IL18RAP: variants seen among roughly 807,000 people sequenced by gnomAD.
IL18RAP encodes the protein interleukin 18 receptor accessory protein.
A neutral mutation model predicts 58.1 loss-of-function variants in IL18RAP; 37 were observed. The observed-to-expected ratio is 0.64, with a 90% CI of 0.49 to 0.84. The LOEUF (loss-of-function observed/expected upper bound fraction) is 0.84. Among genes scored for constraint, IL18RAP ranks in the 40% least tolerant of loss-of-function variants. The pLI, the probability that IL18RAP is intolerant of heterozygous loss-of-function variation, is 0.00. For synonymous variants in IL18RAP, 268 were observed against 257.5 expected, an observed-to-expected ratio of 1.04 and a Z score of -0.39; for missense variants, 667 against 704.8, an observed-to-expected ratio of 0.95 and a Z score of 0.61.
Position 102,424,535 on chromosome 2 carries a change from C to T in IL18RAP, c.579+121C>T, listed in dbSNP as rs548191915. 76 of 815,700 alleles carry T rather than the reference C, an allele frequency of 9.3e-5. No homozygotes were observed. The African/African-American group carries it at 1.3e-3, about 14-fold the overall frequency. The allele number at this position is 815,700 out of a possible 1,614,324, so 50.5% of individuals were successfully genotyped here. A position where few individuals can be genotyped will look rare whatever the true frequency, so the allele number is the denominator to read the frequency against. ...GTATACAGCTTCTCAAAAACTGGCC[C>T]TGTGCCTCTGCAGGAGATCTGACTT... is the stretch of plus-strand genomic sequence containing the variant. On this transcript the variant is annotated intron_variant, in intron 3 of 9. Coordinates refer to ENST00000687160, the MANE Select transcript of IL18RAP (RefSeq NM_001393487.1).
At chr2:102,441,030 G>A (rs142213808) in intron 4 of IL18RAP, among the ~76,000 whole-genome samples, 1 of 152,296 alleles carries the variant, frequency 6.6e-6, no homozygotes, top group Non-Finnish European at 1.5e-5. Flanking sequence ...AGGAGCTCAG[G>A]TCTGCAAGGG....
upstream of IL18RAP, among the ~76,000 whole-genome samples, chr2:102,420,307 T>G (rs933077222): frequency 6.6e-6 from 1 of 152,226 alleles, no homozygotes; most frequent in African/African-American, 2.4e-5. Flanking sequence ...TTGTTTATAA[T>G]GTAGGTTCCA....
At position 102,452,505 on chromosome 2, in the gene IL18RAP, A is replaced by T; in HGVS notation, c.*324A>T. 3.5e-6 allele frequency: 1 copy of T among 287,062 alleles called. No individual in the cohort carries two copies. Among genetic ancestry groups the T allele is most frequent in the Non-Finnish European group, 6.5e-6 (1 of 154,292 alleles). 17.8% of individuals were successfully genotyped at this position (287,062 alleles called of 1,614,324 possible). A position where few individuals can be genotyped will look rare whatever the true frequency, so the allele number is the denominator to read the frequency against. ...TGGCTAGGGAACTGTCATGTCTACC[A>T]TGTATTGTACATATGACTTTATGTA... On this transcript the variant is annotated 3_prime_UTR_variant, in exon 10 of 10. Transcript: ENST00000687160.
intron 3 of IL18RAP, among the ~76,000 whole-genome samples, chr2:102,428,391 T>C (rs1004655934): frequency 6.6e-6 from 1 of 151,344 alleles, no homozygotes; most frequent in Non-Finnish European, 1.5e-5. Context: ...TTTTTTTTTT[T>C]TATAATTTTC....
At chr2:102,443,372 C>G (rs759530413) in intron 6 of IL18RAP, 49 bp downstream of exon 6, 2 of 1,589,320 alleles carry the variant, frequency 1.3e-6, no homozygotes, top group East Asian at 2.2e-5. Context: ...AGAAGAGATA[C>G]TTCTACCTTT....
At chr2:102,425,664 G>C (rs1390396684) in intron 3 of IL18RAP, among the ~76,000 whole-genome samples, 1 of 151,978 alleles carries the variant, frequency 6.6e-6, no homozygotes, top group Non-Finnish European at 1.5e-5. Context: ...ATCCAGGATG[G>C]CAGCTGTCTT....
At chr2:102,441,173 T>C (rs1276657473) in intron 4 of IL18RAP, 139 bp from the exon 5 acceptor site, 39 of 615,164 alleles carry the variant, frequency 6.3e-5, no homozygotes, top group Non-Finnish European at 1.7e-5. Flanking sequence ...CCGGAATTCC[T>C]AACTTACAGG....
intron 3 of IL18RAP, among the ~76,000 whole-genome samples, chr2:102,431,585 T>C (rs1682363594): frequency 6.6e-6 from 1 of 152,116 alleles, no homozygotes; most frequent in South Asian, 2.1e-4. Context: ...TCCATAAGCC[T>C]TTTCATTCTT....
At chr2:102,435,013 G>A (rs1473503919) in intron 3 of IL18RAP, 2 of 107,958 alleles carry the variant, frequency 1.9e-5, no homozygotes, top group African/African-American at 3.1e-5. Context: ...ATAAATATTA[G>A]TAAAAAAAAA....
At chr2:102,431,425 G>A (rs1365487892) in intron 3 of IL18RAP, among the ~76,000 whole-genome samples, 1 of 152,084 alleles carries the variant, frequency 6.6e-6, no homozygotes, top group African/African-American at 2.4e-5. Flanking sequence ...AATTTGATTG[G>A]CAACTTCTGA....
chr2:102,443,226 G>T lies in IL18RAP; in HGVS notation c.823G>T (p.Ala275Ser). ...AAAGCCTTTAACTATTAGCTGCAAA[G>T]CACGATTTGGCTTTGAAAGGGTCTT... ...LGKPLTISCKARFGFERVFNP... is the reference protein window; with the variant it reads ...LGKPLTISCKSRFGFERVFNP... Residue 275 changes from alanine (A) to serine (S), a missense_variant, in exon 6 of 10, where the codon GCA becomes TCA. Transcript: ENST00000687160. 1 of 1,613,318 alleles carries T rather than the reference G, an allele frequency of 6.2e-7. No homozygotes were observed. The highest frequency in any genetic ancestry group is 8.5e-7 in the Non-Finnish European group (1 of 1,179,760).
rs540633615 is a variant in IL18RAP at position 102,451,944 on chromosome 2, G to T, written c.1563G>T (p.Glu521Asp). 6.2e-7 allele frequency: 1 copy of T among 1,614,152 alleles called. No homozygotes were observed. Among genetic ancestry groups the T allele is most frequent in the Non-Finnish European group, 8.5e-7 (1 of 1,180,028 alleles). The change falls in exon 10 of 10, where the codon GAG becomes GAT. Residue 521 changes from glutamate to aspartate, a missense_variant. Coordinates refer to ENST00000687160, the MANE Select transcript of IL18RAP (RefSeq NM_001393487.1). ...AGTTCTGTTACTTCCAAGAGCCAGAGTCTCTACCTCATCTCGTGAAAAAAG... is the reference window on the plus strand; with the variant it reads ...AGTTCTGTTACTTCCAAGAGCCAGATTCTCTACCTCATCTCGTGAAAAAAG... ...LIKFCYFQEP[E>D]SLPHLVKKAL...
chr2:102,447,653 A>AT (rs1457057824), intron 8 of IL18RAP, among the ~76,000 whole-genome samples: 1 of 152,060 alleles, frequency 6.6e-6, no homozygotes, highest in Non-Finnish European at 1.5e-5. Flanking sequence ...ATTGCAAAGG[A>AT]TGCTGTGAGG....
chr2:102,447,989 C>A (rs577944322), intron 8 of IL18RAP, among the ~76,000 whole-genome samples: 2 of 152,254 alleles, frequency 1.3e-5, no homozygotes, highest in East Asian at 1.9e-4. Flanking sequence ...CCGCCTCGGC[C>A]TCCCAAAGTG....
Position 102,424,347 on chromosome 2 carries a change from G to A in IL18RAP, c.512G>A (p.Gly171Asp), listed in dbSNP as rs1230917137. The change falls in exon 3 of 10, where the codon GGC becomes GAC. Residue 171 changes from glycine to aspartate, a missense_variant. By Grantham distance (94) the Gly-to-Asp change is moderately conservative. Transcript: ENST00000687160. ...CAAGACCTACTTCTTGGGAGCACTG[G>A]CTCTATTTCTTGCCCCAGTCTCAGC... Reference protein sequence around the residue: ...HKQDLLLGSTGSISCPSLSCQ... With the variant: ...HKQDLLLGSTDSISCPSLSCQ... 1.2e-6 allele frequency: 2 copies of A among 1,614,036 alleles called. No individual in the cohort carries two copies. The highest frequency in any genetic ancestry group is 2.2e-5 in the South Asian group (2 of 91,086).
At chr2:102,425,767 C>T (rs939386311) in intron 3 of IL18RAP, among the ~76,000 whole-genome samples, 11 of 151,982 alleles carry the variant, frequency 7.2e-5, no homozygotes, top group African/African-American at 2.7e-4. Context: ...GATCATACAC[C>T]TGAAGTGAAA....
chr2:102,420,217 C>T (rs3771156), upstream of IL18RAP, among the ~76,000 whole-genome samples: 33,409 of 152,068 alleles, frequency 0.22, 4,365 homozygotes, highest in East Asian at 0.4. Context: ...CAGCACTAAC[C>T]CACCTCCCCA....
chr2:102,423,787 T>TG (rs11377261), intron 1 of IL18RAP, 24 bp from the exon 2 acceptor site: 1,137,101 of 1,520,966 alleles, frequency 0.75, 432,853 homozygotes, highest in African/African-American at 0.9. Flanking sequence ...TGTTTCCATG[T>TG]GCTTTGTTTA....
rs756620639 is a variant in IL18RAP, at chr2:102,423,922, G to A, written c.182G>A (p.Arg61Gln). 2.5e-6 allele frequency: 4 copies of A among 1,613,902 alleles called. No individual in the cohort carries two copies. The highest frequency in any genetic ancestry group is 1.7e-5 in the Admixed American group (1 of 59,978). The change falls in exon 2 of 10, where the codon CGA (arginine) becomes CAA (glutamine). Residue 61 changes from arginine (R) to glutamine (Q), a missense_variant. Arg to Gln is a conservative substitution (Grantham distance 43, BLOSUM62 1). Coordinates refer to ENST00000687160, the MANE Select transcript of IL18RAP (RefSeq NM_001393487.1). ...AAATCACATTTCTGCCACAGAAATC[G>A]ACTCTCACCAAAACAAGTCCCTGAG... ...PQKSHFCHRN[R>Q]LSPKQVPEHL...
Sources: allele counts gnomAD v4.1 joint callset (sites outside exome capture counted in the v4.1 genomes callset), GRCh38; gene constraint gnomAD v4.1.1; transcripts MANE v1.5; gene names NCBI Gene and HGNC (gene_info 2026-07-23, HGNC 2026-07-21).